The following PLA1A variants were observed in gnomAD, a reference collection of about 807,000 sequenced individuals.
PLA1A encodes the protein phosphatidylserine-specific phospholipase A1alpha.
PLA1A carries 47 observed loss-of-function variants against 49.4 expected under a neutral mutation model. That is an observed-to-expected ratio of 0.95 (90% CI 0.75 to 1.21). The LOEUF (loss-of-function observed/expected upper bound fraction) is 1.21, where lower values mean the gene tolerates loss of function less well. Among genes scored for constraint, PLA1A ranks in the 50% most tolerant of loss-of-function variants. The pLI is 0.00. For missense variants in PLA1A, 561 were observed against 563.9 expected, an observed-to-expected ratio of 0.99 and a Z score of 0.05; for synonymous variants, 224 against 207.9, an observed-to-expected ratio of 1.08 and a Z score of -0.67.
At chr3:119,629,011 A>G in intron 10 of PLA1A, 146 bp downstream of exon 10, 1 of 722,714 alleles carries the variant, frequency 1.4e-6, no homozygotes, top group South Asian at 1.8e-5. Flanking sequence ...GGTGTTTTCC[A>G]GAACCTCCTG....
chr3:119,616,157 A>C, intron 6 of PLA1A, 56 bp downstream of exon 6: 1 of 1,120,318 alleles, frequency 8.9e-7, no homozygotes, highest in South Asian at 1.3e-5. Flanking sequence ...AAATTCACCA[A>C]CAGCTTTTGT....
At chr3:119,626,073 CAG>C (rs1428458806) in intron 9 of PLA1A, among the ~76,000 whole-genome samples, 1 of 152,196 alleles carries the variant, frequency 6.6e-6, no homozygotes, top group Admixed American at 6.5e-5. Context: ...AGCTGGAAAA[CAG>C]AGATGGGGAC....
intron 8 of PLA1A, among the ~76,000 whole-genome samples, chr3:119,620,998 C>T (rs550260498): frequency 1.3e-5 from 2 of 152,172 alleles, no homozygotes; most frequent in African/African-American, 4.8e-5. Flanking sequence ...ACCTGCTGTC[C>T]GCAGGCCGTA....
At chr3:119,599,756 C>A (rs1184465092) in intron 1 of PLA1A, among the ~76,000 whole-genome samples, 1 of 152,152 alleles carries the variant, frequency 6.6e-6, no homozygotes, top group African/African-American at 2.4e-5. Context: ...GCCTGGTCTT[C>A]TTGCCTTTGT....
intron 7 of PLA1A, 42 bp downstream of exon 7, chr3:119,618,228 A>T: frequency 6.6e-7 from 1 of 1,520,606 alleles, no homozygotes; most frequent in Non-Finnish European, 9.0e-7. Flanking sequence ...AATGTGGGGA[A>T]GTTCAAGCCC....
intron 8 of PLA1A, among the ~76,000 whole-genome samples, chr3:119,620,481 C>A (rs1034218128): frequency 6.6e-6 from 1 of 152,124 alleles, no homozygotes; most frequent in Non-Finnish European, 1.5e-5. Context: ...TTCACCTGGA[C>A]CTGGATTCAA....
At chr3:119,615,899 C>T in intron 5 of PLA1A, 113 bp from the exon 6 acceptor site, 2 of 683,606 alleles carry the variant, frequency 2.9e-6, no homozygotes, top group Admixed American at 2.2e-5. Flanking sequence ...AGTCTCACAG[C>T]ACTTAGAAGT....
rs2082844944 is a variant in PLA1A at position 119,616,073 on chromosome 3, AC to A, written c.728del (p.Pro243LeufsTer14). On this transcript the variant is annotated frameshift_variant, in exon 6 of 11. Transcript: ENST00000273371. LOFTEE classifies it high-confidence loss of function. ...DYFVNGGQDQPGCPTFFYAGY... is the reference protein window; with the variant it reads ...DYFVNGGQDQXGCPTFFYAGY... ...ACTTCGTCAACGGAGGCCAAGACCAACCTGGCTGCCCCACCTTCTTTTACGC... is the reference window on the plus strand; with the variant it reads ...ACTTCGTCAACGGAGGCCAAGACCAACTGGCTGCCCCACCTTCTTTTACGC... 1.2e-6 allele frequency: 2 copies of A among 1,613,192 alleles called. No homozygotes were observed. The highest frequency in any genetic ancestry group is 1.7e-6 in the Non-Finnish European group (2 of 1,179,138).
intron 1 of PLA1A, among the ~76,000 whole-genome samples, chr3:119,599,635 G>A (rs572078216): frequency 6.6e-6 from 1 of 152,310 alleles, no homozygotes; most frequent in African/African-American, 2.4e-5. Flanking sequence ...CAGGGTTAGG[G>A]TCAGCGCAGA....
intron 1 of PLA1A, among the ~76,000 whole-genome samples, chr3:119,606,145 G>A (rs560160369): frequency 2.0e-5 from 3 of 152,320 alleles, no homozygotes; most frequent in Admixed American, 6.5e-5. Flanking sequence ...CATGGACTGG[G>A]TGGCTAGAAC....
intron 6 of PLA1A, 30 bp from the exon 7 acceptor site, chr3:119,617,989 A>G (rs750050449): frequency 9.0e-6 from 14 of 1,562,110 alleles, no homozygotes; most frequent in Non-Finnish European, 1.2e-5. Flanking sequence ...GTCTTGACTG[A>G]AACCTTGGTT....
Position 119,629,449 on chromosome 3 carries a change from T to C in PLA1A, c.1352T>C (p.Leu451Pro), listed in dbSNP as rs369945117. Residue 451 changes from leucine to proline, a missense_variant, in exon 11 of 11, where the codon CTG becomes CCG. By Grantham distance (98) the Leu-to-Pro change is moderately conservative (BLOSUM62 -3). Transcript: ENST00000273371. ...LQASVTVSCD[L>P]KIACV is the part of the protein sequence containing the mutation. The stretch of plus-strand genomic sequence containing the variant: ...GCAAGTGTGACTGTTTCCTGTGACC[T>C]GAAGATAGCCTGTGTGTAGTTTAAC... 45 of 1,605,016 alleles carry C rather than the reference T, an allele frequency of 2.8e-5. No homozygotes were observed. Among genetic ancestry groups the C allele is most frequent in the Non-Finnish European group, 3.4e-5 (40 of 1,172,486 alleles).
intron 1 of PLA1A, among the ~76,000 whole-genome samples, chr3:119,598,380 C>G (rs1252290815): frequency 6.6e-6 from 1 of 152,146 alleles, no homozygotes; most frequent in Non-Finnish European, 1.5e-5. Context: ...ATGATTTTGT[C>G]ACTGAGATTG....
intron 9 of PLA1A, among the ~76,000 whole-genome samples, chr3:119,626,780 C>T (rs1231166660): frequency 1.3e-5 from 2 of 152,130 alleles, no homozygotes; most frequent in Non-Finnish European, 1.5e-5. Context: ...CTGGCTCACC[C>T]AAAGTCACAC....
At chr3:119,600,337 C>T in intron 1 of PLA1A, 1 of 702,516 alleles carries the variant, frequency 1.4e-6, no homozygotes, top group Non-Finnish European at 2.6e-6. Flanking sequence ...CAACCTGGCC[C>T]TTGAGCTTCC....
chr3:119,618,211 C>T (rs2082879698), intron 7 of PLA1A, 25 bp downstream of exon 7: 4 of 1,585,038 alleles, frequency 2.5e-6, no homozygotes, highest in Admixed American at 1.7e-5. Context: ...CTTTGACTTC[C>T]TTTGACAATG....
intron 5 of PLA1A, among the ~76,000 whole-genome samples, chr3:119,615,401 G>A (rs60736128): frequency 0.013 from 2,023 of 152,224 alleles, 41 homozygotes; most frequent in African/African-American, 0.044. Flanking sequence ...ATTACTCAAA[G>A]GAAAACCAAA....
intron 9 of PLA1A, among the ~76,000 whole-genome samples, chr3:119,625,729 G>A (rs893532781): frequency 5.9e-5 from 9 of 152,204 alleles, no homozygotes; most frequent in East Asian, 1.9e-4. Context: ...CCAGACTAGC[G>A]GCCAGGAGGG....
intron 9 of PLA1A, among the ~76,000 whole-genome samples, chr3:119,625,857 T>C (rs972135120): frequency 1.3e-5 from 2 of 152,124 alleles, no homozygotes; most frequent in African/African-American, 4.8e-5. Context: ...GAACCCCAAC[T>C]GTAGGGAGCC....
Sources: gnomAD v4.1 joint callset for allele counts (sites outside exome capture counted in the v4.1 genomes callset) on GRCh38, gnomAD v4.1.1 for gene constraint, MANE v1.5 for transcripts, NCBI Gene and HGNC (gene_info 2026-07-23, HGNC 2026-07-21) for gene names.